Variants in FLRT1 observed in about 807,000 individuals in gnomAD.
The protein encoded by FLRT1 is leucine-rich repeat transmembrane protein FLRT1.
A neutral mutation model predicts 30.9 loss-of-function variants in FLRT1; 14 were observed. The observed-to-expected ratio is 0.45, with a 90% CI of 0.30 to 0.71. The LOEUF (loss-of-function observed/expected upper bound fraction) is 0.71. Ranked by LOEUF, FLRT1 falls within the 30% of genes least tolerant of loss-of-function variation. The pLI, the probability that FLRT1 is intolerant of heterozygous loss-of-function variation, is 0.08. For missense variants in FLRT1, 737 were observed against 949.2 expected (o/e 0.78, Z 2.94); for synonymous variants, 368 against 430.4 (o/e 0.85, Z 1.80).
At position 64,117,539 on chromosome 11, in the gene FLRT1, C is replaced by A; in HGVS notation, c.1272C>A (p.Ser424=). 1 of 1,603,490 alleles carries A rather than the reference C, an allele frequency of 6.2e-7. No homozygotes were observed. Among genetic ancestry groups the A allele is most frequent in the East Asian group, 2.2e-5 (1 of 44,656 alleles). ...AKRPGLRLPD[S]NIDYPMATGD... is the part of the protein sequence containing the mutation. The stretch of plus-strand genomic sequence containing the variant: ...GGCCAGGGCTGCGCCTCCCCGACTC[C>A]AACATTGACTACCCCATGGCCACGG... The change falls in exon 3 of 3, where the codon TCC becomes TCA. Residue 424 remains serine, a synonymous_variant. Transcript: ENST00000682287.
intron 1 of FLRT1, among the ~76,000 whole-genome samples, chr11:64,080,621 G>A (rs748379951): frequency 2.8e-4 from 43 of 152,206 alleles, no homozygotes; most frequent in Non-Finnish European, 4.8e-4. Context: ...GGAGGGTTAC[G>A]TTTATGATAC....
intron 1 of FLRT1, among the ~76,000 whole-genome samples, chr11:64,077,788 G>C (rs998471226): frequency 6.6e-6 from 1 of 152,244 alleles, no homozygotes. Flanking sequence ...CTGGGCCCTG[G>C]CTGGGCCTCC....
At position 64,116,097 on chromosome 11, in the gene FLRT1, C is replaced by T. The variant is rs918784575; in HGVS notation, c.-49-122C>T. 6 of 1,028,042 alleles carry T rather than the reference C, an allele frequency of 5.8e-6. No individual in the cohort carries two copies. In the East Asian group the frequency reaches 7.9e-5, roughly 13 times the overall value. 63.7% of individuals were successfully genotyped at this position (1,028,042 alleles called of 1,614,324 possible). A position where few individuals can be genotyped will look rare whatever the true frequency, so the allele number is the denominator to read the frequency against. On this transcript the variant is annotated intron_variant, in intron 2 of 2. Coordinates refer to ENST00000682287, the MANE Select transcript of FLRT1 (RefSeq NM_013280.5). The stretch of plus-strand genomic sequence containing the variant: ...CCACTCCTCCAGCTTGACCTCACCC[C>T]GCAGGACCGGACTTCGGTCACCCCT...
chr11:64,039,833 C>G (rs1222224790), intron 1 of FLRT1, among the ~76,000 whole-genome samples: 6 of 152,184 alleles, frequency 3.9e-5, no homozygotes, highest in Admixed American at 3.3e-4. Flanking sequence ...TCCTGCAGCC[C>G]TGGGTTTTAA....
At chr11:64,048,163 C>T (rs572066641) in intron 1 of FLRT1, among the ~76,000 whole-genome samples, 1 of 152,356 alleles carries the variant, frequency 6.6e-6, no homozygotes, top group Admixed American at 6.5e-5. Flanking sequence ...AGCTGCCTCT[C>T]TGGCCCACTG....
chr11:64,116,581 A>G lies in FLRT1; in HGVS notation c.314A>G (p.Lys105Arg). The G allele has an allele frequency of 6.2e-7, 1 of 1,614,104 alleles. No homozygotes were observed. Among genetic ancestry groups the G allele is most frequent in the African/African-American group, 1.3e-5 (1 of 75,048 alleles). The change falls in exon 3 of 3, where the codon AAG becomes AGG. Residue 105 changes from lysine (K) to arginine (R), a missense_variant. Transcript: ENST00000682287. ...NAGIPQDLKT[K>R]VNVQVIYLYE... ...GGCATCCCCCAGGACCTCAAGACCA[A>G]GGTCAACGTGCAGGTCATCTACCTA...
At chr11:64,110,204 C>G (rs1028692856) in intron 2 of FLRT1, among the ~76,000 whole-genome samples, 1 of 152,154 alleles carries the variant, frequency 6.6e-6, no homozygotes, top group Non-Finnish European at 1.5e-5. Flanking sequence ...AATCTCAGCA[C>G]TTTGGGATGC....
intron 1 of FLRT1, among the ~76,000 whole-genome samples, chr11:64,058,845 G>C (rs2000515): frequency 1.3e-5 from 2 of 152,028 alleles, no homozygotes; most frequent in Non-Finnish European, 2.9e-5. Flanking sequence ...CCGGCAAGGG[G>C]GGGTAGGACC....
chr11:64,049,136 A>C (rs1165913606), intron 1 of FLRT1, among the ~76,000 whole-genome samples: 1 of 151,912 alleles, frequency 6.6e-6, no homozygotes, highest in Non-Finnish European at 1.5e-5. Context: ...AGTGGAGGAA[A>C]AGTGACAGAG....
chr11:64,074,070 T>G (rs1590871201), intron 1 of FLRT1, among the ~76,000 whole-genome samples: 1 of 151,842 alleles, frequency 6.6e-6, no homozygotes, highest in African/African-American at 2.4e-5. Flanking sequence ...GGGATGGGGG[T>G]GGGGGGAATA....
rs375297047 is a variant in FLRT1, at chr11:64,063,859, G to A, written c.-1038+27700G>A. On this transcript the variant is annotated intron_variant, in intron 1 of 2. Transcript: ENST00000682287. Reference sequence around the variant, plus strand: ...GCAATTAGCACAGACAATGCCTCCCGCTTTCTCCCCAGCCCCAGAGAGGGT... The same window carrying A: ...GCAATTAGCACAGACAATGCCTCCCACTTTCTCCCCAGCCCCAGAGAGGGT... 1.8e-4 allele frequency among the ~76,000 whole-genome samples: 28 copies of A among 152,308 alleles called. No homozygotes were observed. The East Asian group carries it at 5.0e-3, about 27-fold the overall frequency.
At chr11:64,051,203 CA>C (rs1242642101) in intron 1 of FLRT1, among the ~76,000 whole-genome samples, 11 of 152,362 alleles carry the variant, frequency 7.2e-5, no homozygotes, top group African/African-American at 2.2e-4. Context: ...GACATGGGGC[CA>C]GGGGTGCCAA....
At chr11:64,114,725 G>A (rs1449724343) in intron 2 of FLRT1, among the ~76,000 whole-genome samples, 1 of 151,882 alleles carries the variant, frequency 6.6e-6, no homozygotes, top group African/African-American at 2.4e-5. Flanking sequence ...ATGGATGGAT[G>A]AATGGATGGA....
In FLRT1 at chr11:64,067,366, A is replaced by G. The variant is rs936548971; in HGVS notation, c.-1038+31207A>G. On this transcript the variant is annotated intron_variant, in intron 1 of 2. Transcript: ENST00000682287. This position sits in a 1 kb window ranked among gnomAD's most constrained non-coding sequence, Gnocchi z 4.6. ...GGAATCCATTATCGGGCAAAATAGC[A>G]GCTGCTGACGTGAAAATGAAATATA... Among the ~76,000 whole-genome samples the G allele has an allele frequency of 5.9e-5, 9 of 152,184 alleles. No individual in the cohort carries two copies. Among genetic ancestry groups the G allele is most frequent in the African/African-American group, 1.9e-4 (8 of 41,444 alleles).
At chr11:64,054,224 G>A (rs1943743578) in intron 1 of FLRT1, among the ~76,000 whole-genome samples, 1 of 152,232 alleles carries the variant, frequency 6.6e-6, no homozygotes, top group African/African-American at 2.4e-5. Flanking sequence ...TTCCAGGTTT[G>A]AGAGGACAGA....
chr11:64,106,585 C>T (rs1160027348), intron 2 of FLRT1, among the ~76,000 whole-genome samples: 1 of 152,132 alleles, frequency 6.6e-6, no homozygotes, highest in Admixed American at 6.5e-5. Context: ...TTCTCAGCCC[C>T]TGAGAGGCCC....
chr11:64,054,597 G>A (rs551869038), intron 1 of FLRT1, among the ~76,000 whole-genome samples: 45 of 152,276 alleles, frequency 3.0e-4, no homozygotes, highest in African/African-American at 1.1e-3. Flanking sequence ...ACCAGGGCAA[G>A]CCACGGTTCC....
chr11:64,092,545 G>A (rs1330979151), intron 1 of FLRT1, among the ~76,000 whole-genome samples: 2 of 152,224 alleles, frequency 1.3e-5, no homozygotes, highest in Admixed American at 6.5e-5. Context: ...GACCGCGTGT[G>A]GTCATGACAC....
At chr11:64,073,840 G>C (rs747715414) in intron 1 of FLRT1, among the ~76,000 whole-genome samples, 11 of 152,166 alleles carry the variant, frequency 7.2e-5, no homozygotes, top group Non-Finnish European at 1.5e-4. Context: ...ACAGCCCCCA[G>C]AGCCTTGCAG....
Sources: allele counts gnomAD v4.1 joint callset (sites outside exome capture counted in the v4.1 genomes callset), GRCh38; gene constraint gnomAD v4.1.1; non-coding constraint Gnocchi (gnomAD v3.1); transcripts MANE v1.5; gene names NCBI Gene and HGNC (gene_info 2026-07-23, HGNC 2026-07-21).